The following GK variants were observed in gnomAD, a reference collection of about 807,000 sequenced individuals.
GK encodes the protein glycerol kinase.
In GK, 9 loss-of-function variants were observed where a neutral mutation model predicts 56.4. The ratio of observed to expected loss-of-function variants is 0.16; its 90% CI spans 0.10 to 0.28. The LOEUF (loss-of-function observed/expected upper bound fraction) is 0.28, where lower values mean the gene tolerates loss of function less well. Among genes scored for constraint, GK ranks in the 10% least tolerant of loss-of-function variants. The probability of loss-of-function intolerance (pLI) is 1.00; values close to 1 mark genes in which losing one functional copy is unlikely to be tolerated. For synonymous variants in GK, 104 were observed against 144.1 expected, an observed-to-expected ratio of 0.72 and a Z score of 1.99; for missense variants, 161 against 431.4, an observed-to-expected ratio of 0.37 and a Z score of 5.55.
chrX:30,667,190 G>A (rs1051414249), intron 2 of GK, among the ~76,000 whole-genome samples: 1 of 111,336 alleles, frequency 9.0e-6, no homozygotes, highest in Non-Finnish European at 1.9e-5. Context: ...AAAAAAATTA[G>A]TTAGAGACAG....
intron 6 of GK, 148 bp downstream of exon 6, chrX:30,694,685 A>G: frequency 2.0e-6 from 1 of 490,786 alleles, no homozygotes; most frequent in Non-Finnish European, 3.5e-6. Flanking sequence ...AGAAGTTTTC[A>G]GCTTCCATTC....
intron 8 of GK, among the ~76,000 whole-genome samples, chrX:30,697,147 A>T (rs1190096979): frequency 8.9e-6 from 1 of 112,582 alleles, no homozygotes; most frequent in Non-Finnish European, 1.9e-5. Flanking sequence ...CTGATTTGGG[A>T]TTGCTAATTA....
At chrX:30,709,463 C>A (rs369922548) in intron 13 of GK, among the ~76,000 whole-genome samples, 3 of 112,122 alleles carry the variant, frequency 2.7e-5, no homozygotes, top group African/African-American at 6.5e-5. Flanking sequence ...TTAGAGGCTG[C>A]GGTCAGTTTC....
At chrX:30,654,654 C>CCT (rs1932118226) in intron 1 of GK, among the ~76,000 whole-genome samples, 1 of 110,732 alleles carries the variant, frequency 9.0e-6, no homozygotes, top group Non-Finnish European at 1.9e-5. Context: ...ACCCGGGAGG[C>CCT]GGAGGTTGCA....
chrX:30,707,986 T>A, intron 12 of GK, 68 bp from the exon 13 acceptor site: 2 of 651,219 alleles, frequency 3.1e-6, no homozygotes, highest in Non-Finnish European at 5.0e-6. Flanking sequence ...ATTTTAACTT[T>A]AAAAAAAAGT....
intron 6 of GK, among the ~76,000 whole-genome samples, chrX:30,694,863 A>C (rs924665905): frequency 1.8e-5 from 2 of 112,088 alleles, no homozygotes; most frequent in African/African-American, 6.5e-5. Flanking sequence ...GCCATGTCTT[A>C]GACGAAATAA....
chrX:30,661,087 T>C (rs12007993), intron 1 of GK, among the ~76,000 whole-genome samples: 34,733 of 110,131 alleles, frequency 0.32, 4,029 homozygotes, highest in Admixed American at 0.37. Context: ...GCTGGGATTA[T>C]AGGCATGAGC....
intron 1 of GK, among the ~76,000 whole-genome samples, chrX:30,662,830 TC>T (rs1932814892): frequency 3.9e-4 from 3 of 7,733 alleles, no homozygotes; most frequent in African/African-American, 6.4e-4. Context: ...TCTCTCTCTC[TC>T]TCTTTCTTTC....
At position 30,730,450 on chromosome X, in the gene GK, A is replaced by G. The variant is rs1194927422; in HGVS notation, c.*1708A>G. On this transcript the variant is annotated 3_prime_UTR_variant, in exon 21 of 21. Coordinates refer to ENST00000427190, the MANE Select transcript of GK (RefSeq NM_001205019.2). ...TAAACATAAATGTTTCTACAAAAGT[A>G]GGTTGAGTTCATTGTAAATAATTGT... 1 of 112,170 alleles carries G rather than the reference A, an allele frequency of 8.9e-6. No individual in the cohort carries two copies. Among genetic ancestry groups the G allele is most frequent in the Non-Finnish European group, 1.9e-5 (1 of 53,292 alleles). The allele number at this position is 112,170 out of a possible 1,213,427, so 9.2% of individuals were successfully genotyped here.
chrX:30,689,837 C>T (rs5927585), intron 4 of GK, among the ~76,000 whole-genome samples: 4,276 of 111,850 alleles, frequency 0.038, 208 homozygotes, highest in African/African-American at 0.13. Flanking sequence ...GGAGTAGATA[C>T]TGGGCAGCAA....
intron 19 of GK, among the ~76,000 whole-genome samples, chrX:30,725,496 T>C (rs1937091914): frequency 8.9e-6 from 1 of 112,368 alleles, no homozygotes; most frequent in Non-Finnish European, 1.9e-5. Context: ...TCTAGCACAG[T>C]GCTAGTTGCT....
rs1169304744 is a variant in GK at position 30,705,843 on chromosome X, C to T, written c.852-1713C>T. On this transcript the variant is annotated intron_variant, in intron 11 of 20. Coordinates refer to ENST00000427190, the MANE Select transcript of GK (RefSeq NM_001205019.2). The stretch of plus-strand genomic sequence containing the variant: ...ACTCATTAATTGCTTATTAAGTATA[C>T]TCACTTAAGAATTCACTTTTATTAA... Among the ~76,000 whole-genome samples, 12 of 112,160 alleles carry T rather than the reference C, an allele frequency of 1.1e-4. No individual in the cohort carries two copies. In the Admixed American group the frequency reaches 1.1e-3, roughly 11 times the overall value.
At chrX:30,663,337 A>G (rs1932845010) in intron 1 of GK, among the ~76,000 whole-genome samples, 1 of 112,003 alleles carries the variant, frequency 8.9e-6, no homozygotes, top group African/African-American at 3.2e-5. Flanking sequence ...CCTAATAAGT[A>G]CATGTAATAC....
intron 1 of GK, among the ~76,000 whole-genome samples, chrX:30,654,312 T>C (rs1932082098): frequency 8.9e-6 from 1 of 112,656 alleles, no homozygotes; most frequent in Non-Finnish European, 1.9e-5. Context: ...GAAATTCTGT[T>C]TCTCTTTTTA....
At chrX:30,714,060 A>G in intron 13 of GK, among the ~76,000 whole-genome samples, 1 of 111,698 alleles carries the variant, frequency 9.0e-6, no homozygotes, top group Non-Finnish European at 1.9e-5. Flanking sequence ...AGCTTCAAAG[A>G]GGGTTCCCTA....
chrX:30,697,604 A>G (rs1052214367), intron 8 of GK, 128 bp from the exon 9 acceptor site: 1 of 556,997 alleles, frequency 1.8e-6, no homozygotes. Context: ...GGGTCAAGGA[A>G]AAAGAAACGA....
chrX:30,713,038 T>G (rs752183341), intron 13 of GK, among the ~76,000 whole-genome samples: 56 of 111,888 alleles, frequency 5.0e-4, no homozygotes, highest in African/African-American at 1.3e-3. Flanking sequence ...CCGGCCTTGT[T>G]GGATTTCTTA....
chrX:30,680,883 A>G (rs766126176), intron 4 of GK, among the ~76,000 whole-genome samples: 17 of 111,567 alleles, frequency 1.5e-4, no homozygotes, highest in South Asian at 1.5e-3. Context: ...AAGTGAGGTA[A>G]ACTGAAAATA....
At chrX:30,685,298 AT>A (rs1263271149) in intron 4 of GK, among the ~76,000 whole-genome samples, 2 of 109,990 alleles carry the variant, frequency 1.8e-5, no homozygotes, top group East Asian at 5.7e-4. Flanking sequence ...CTCCCGGCTA[AT>A]TTTTTTTGTA....
Sources: gnomAD v4.1 joint callset for allele counts (sites outside exome capture counted in the v4.1 genomes callset) on GRCh38, gnomAD v4.1.1 for gene constraint, MANE v1.5 for transcripts, NCBI Gene and HGNC (gene_info 2026-07-23, HGNC 2026-07-21) for gene names.